The following IPPK variants were observed in gnomAD, a reference collection of about 807,000 sequenced individuals.
IPPK encodes the protein inositol-pentakisphosphate 2-kinase, also known as IPK1 homolog.
Under a neutral mutation model 64.6 loss-of-function variants are expected in IPPK, and 22 were observed. That is an observed-to-expected ratio of 0.34 (90% CI 0.24 to 0.49). IPPK has a LOEUF of 0.49. Ranked by LOEUF, IPPK falls within the 20% of genes least tolerant of loss-of-function variation. The pLI is 0.99. For missense variants in IPPK, 532 were observed against 630.7 expected (o/e 0.84, Z 1.68); for synonymous variants, 262 against 247.2 (o/e 1.06, Z -0.56).
rs1369701539 is a variant in IPPK, at chr9:92,635,711, TTTTC to T, written c.917-407_917-404del. 2.0e-5 allele frequency among the ~76,000 whole-genome samples: 3 copies of T among 151,922 alleles called. No homozygotes were observed. The highest frequency in any genetic ancestry group is 4.8e-5 in the African/African-American group (2 of 41,354). On this transcript the variant is annotated intron_variant, in intron 9 of 12. Coordinates refer to ENST00000287996, the MANE Select transcript of IPPK (RefSeq NM_022755.6). The surrounding 1 kb of genome is among the most constrained non-coding windows in gnomAD (Gnocchi z 4.4). ...CAGGTCACAAAATTTCTTCTTTTTC[TTTTC>T]TTTTTTTTTTTTGAGACAGAGTCTT... is the stretch of plus-strand genomic sequence containing the variant.
rs1217324286 is a variant in IPPK, at chr9:92,642,763, A to G, written c.552T>C (p.Asp184=). The stretch of plus-strand genomic sequence containing the variant: ...AAGTGTTCTCTTACCCTGAGTAGAG[A>G]TCAAGGGGACAGTATTTGCTGATCT... ...WKQISKYCPL[D]LYSGNKQRMH... The change falls in exon 7 of 13, where the codon GAT becomes GAC. Residue 184 remains aspartate, a synonymous_variant. Transcript: ENST00000287996. The G allele has an allele frequency of 6.2e-7, 1 of 1,613,858 alleles. No individual in the cohort carries two copies. Among genetic ancestry groups the G allele is most frequent in the African/African-American group, 1.3e-5 (1 of 74,900 alleles).
chr9:92,635,864 T>C lies in IPPK; in HGVS notation c.917-556A>G, dbSNP rs935196286. ...CAAGACCACTAAAGGAGGAAAACCC[T>C]GGGACACTGTCTGCAGAGTCCAGAG... is the stretch of plus-strand genomic sequence containing the variant. On this transcript the variant is annotated intron_variant, in intron 9 of 12. Coordinates refer to ENST00000287996, the MANE Select transcript of IPPK (RefSeq NM_022755.6). This position sits in a 1 kb window ranked among gnomAD's most constrained non-coding sequence, Gnocchi z 4.4. Among the ~76,000 whole-genome samples, 1 of 152,080 alleles carries C rather than the reference T, an allele frequency of 6.6e-6. No homozygotes were observed. The highest frequency in any genetic ancestry group is 1.5e-5 in the Non-Finnish European group (1 of 68,028).
At chr9:92,640,033 A>G (rs1316739437) in intron 8 of IPPK, among the ~76,000 whole-genome samples, 1 of 152,112 alleles carries the variant, frequency 6.6e-6, no homozygotes, top group African/African-American at 2.4e-5. Flanking sequence ...AGAGGCCCAT[A>G]CTCAACAGCC....
chr9:92,647,135 G>T (rs1421299351), intron 6 of IPPK, among the ~76,000 whole-genome samples: 1 of 152,070 alleles, frequency 6.6e-6, no homozygotes, highest in Non-Finnish European at 1.5e-5. Context: ...GAAAGAAGGG[G>T]ACACTACTAC....
chr9:92,627,357 A>G (rs1480368239), intron 11 of IPPK, among the ~76,000 whole-genome samples: 1 of 152,194 alleles, frequency 6.6e-6, no homozygotes, highest in Non-Finnish European at 1.5e-5. Flanking sequence ...AACTCATTCT[A>G]TGAGGCCAGT....
chr9:92,649,942 C>T (rs1472182274), intron 4 of IPPK, among the ~76,000 whole-genome samples: 1 of 150,782 alleles, frequency 6.6e-6, no homozygotes, highest in East Asian at 2.0e-4. Context: ...AGGAGAATTG[C>T]TTGAACCCTA....
In IPPK at chr9:92,613,805, CT is replaced by C. The variant is rs1851346147; in HGVS notation, c.*2026del. 6.5e-6 allele frequency: 1 copy of C among 153,786 alleles called. No homozygotes were observed. The highest frequency in any genetic ancestry group is 6.4e-5 in the Admixed American group (1 of 15,640). 9.5% of individuals were successfully genotyped at this position (153,786 alleles called of 1,614,324 possible). On this transcript the variant is annotated 3_prime_UTR_variant, in exon 13 of 13. Coordinates refer to ENST00000287996, the MANE Select transcript of IPPK (RefSeq NM_022755.6). ...GGTCCTTTATGAAAGAAAGACCCCC[CT>C]GCATAGCCTAAGTGCTATATCGATC...
chr9:92,614,625 A>AAAT lies in IPPK; in HGVS notation c.*1204_*1206dup, dbSNP rs1270366546. 2 of 152,662 alleles carry AAAT rather than the reference A, an allele frequency of 1.3e-5. No individual in the cohort carries two copies. The highest frequency in any genetic ancestry group is 4.8e-5 in the African/African-American group (2 of 41,450). 9.5% of individuals were successfully genotyped at this position (152,662 alleles called of 1,614,324 possible). A position where few individuals can be genotyped will look rare whatever the true frequency, so the allele number is the denominator to read the frequency against. On this transcript the variant is annotated 3_prime_UTR_variant, in exon 13 of 13. Transcript: ENST00000287996. Reference sequence around the variant, plus strand: ...TTCCCACAAAAATTTACAATCAGCAAAATAGTTTCCTTATTTCTCATGTAT... The same window carrying AAAT: ...TTCCCACAAAAATTTACAATCAGCAAAATAATAGTTTCCTTATTTCTCATGTAT...
At chr9:92,632,957 T>C (rs1851872152) in intron 11 of IPPK, among the ~76,000 whole-genome samples, 1 of 151,822 alleles carries the variant, frequency 6.6e-6, no homozygotes, top group Non-Finnish European at 1.5e-5. Flanking sequence ...CTGCTTATTG[T>C]CCTGTAAAGG....
At chr9:92,634,560 C>A (rs1851903168) in intron 10 of IPPK, 72 bp from the exon 11 acceptor site, 1 of 1,026,370 alleles carries the variant, frequency 9.7e-7, no homozygotes. Flanking sequence ...TGCTAACAGT[C>A]TACAAAGCCC....
intron 1 of IPPK, among the ~76,000 whole-genome samples, chr9:92,661,656 A>G (rs185400572): frequency 6.6e-6 from 1 of 152,340 alleles, no homozygotes; most frequent in East Asian, 1.9e-4. Flanking sequence ...ACCTGAATAC[A>G]GTGATTTGTC....
Position 92,654,852 on chromosome 9 carries a change from C to T in IPPK, c.225+1604G>A, listed in dbSNP as rs77115242. On this transcript the variant is annotated intron_variant, in intron 3 of 12. Transcript: ENST00000287996. ...TGTCCCCAGCCTGAAAACTGGGCCA[C>T]GGCACAGAACTGTCAGCATGCGAGG... 3.2e-3 allele frequency among the ~76,000 whole-genome samples: 492 copies of T among 152,366 alleles called. 1 individual carries two copies. The highest frequency in any genetic ancestry group is 5.8e-3 in the Non-Finnish European group (393 of 68,034).
intron 4 of IPPK, 75 bp from the exon 5 acceptor site, chr9:92,649,649 C>T (rs1466120169): frequency 6.4e-7 from 1 of 1,557,092 alleles, no homozygotes; most frequent in Non-Finnish European, 8.8e-7. Flanking sequence ...AAAACAGGCC[C>T]CGCCTTGTCC....
chr9:92,665,252 T>C (rs144493525), intron 1 of IPPK, among the ~76,000 whole-genome samples: 1 of 152,200 alleles, frequency 6.6e-6, no homozygotes, highest in African/African-American at 2.4e-5. Context: ...AGCTAAAAAT[T>C]GTAAAAGGGA....
chr9:92,618,841 CAT>C (rs563417405), intron 12 of IPPK: 44 of 352,564 alleles, frequency 1.2e-4, no homozygotes, highest in Middle Eastern at 2.1e-3. Context: ...CCCAGGAACA[CAT>C]GTTAGAAGAA....
At chr9:92,638,427 G>A (rs1251655659) in intron 8 of IPPK, 147 bp from the exon 9 acceptor site, 7 of 832,374 alleles carry the variant, frequency 8.4e-6, no homozygotes, top group South Asian at 1.8e-5. Context: ...TGCATACTCC[G>A]GCTCCTCCGG....
chr9:92,616,735 A>C (rs746996196), intron 12 of IPPK: 1 of 152,396 alleles, frequency 6.6e-6, no homozygotes, highest in East Asian at 1.9e-4. Context: ...TTGCCCTGAA[A>C]AACACATTTA....
At chr9:92,663,750 G>A (rs2131465174) in intron 1 of IPPK, among the ~76,000 whole-genome samples, 1 of 152,354 alleles carries the variant, frequency 6.6e-6, no homozygotes, top group South Asian at 2.1e-4. Context: ...GCCACCCACA[G>A]AGGACTCACT....
intron 9 of IPPK, among the ~76,000 whole-genome samples, chr9:92,636,490 A>C (rs1330819452): frequency 1.3e-5 from 2 of 152,056 alleles, no homozygotes; most frequent in Non-Finnish European, 2.9e-5. Flanking sequence ...AAAATACAAA[A>C]ATTAACTAGG....
Sources: allele counts gnomAD v4.1 joint callset (sites outside exome capture counted in the v4.1 genomes callset), GRCh38; gene constraint gnomAD v4.1.1; non-coding constraint Gnocchi (gnomAD v3.1); transcripts MANE v1.5; gene names NCBI Gene and HGNC (gene_info 2026-07-23, HGNC 2026-07-21).